VSIG10: variants seen among roughly 807,000 people sequenced by gnomAD.
VSIG10 encodes V-set and immunoglobulin domain-containing protein 10.
A neutral mutation model predicts 58.7 loss-of-function variants in VSIG10; 48 were observed. That is an observed-to-expected ratio of 0.82 (90% CI 0.65 to 1.04). VSIG10 has a LOEUF of 1.04. VSIG10 is among the 50% of genes least tolerant of loss of function. VSIG10 has a pLI of 0.00. For missense variants in VSIG10, 628 were observed against 670.0 expected (o/e 0.94, Z 0.69); for synonymous variants, 260 against 267.1 (o/e 0.97, Z 0.26).
chr12:118,073,595 G>T, intron 5 of VSIG10, 104 bp downstream of exon 5: 1 of 1,329,854 alleles, frequency 7.5e-7, no homozygotes, highest in Non-Finnish European at 1.0e-6. Context: ...TCTCCCAGTT[G>T]GCAGTGACCC....
At chr12:118,101,752 TAAAA>T (rs1455671589) in intron 1 of VSIG10, 1 of 151,890 alleles carries the variant, frequency 6.6e-6, no homozygotes, top group Non-Finnish European at 1.5e-5. Context: ...ACTCCCAACT[TAAAA>T]AACAAACACA....
chr12:118,088,390 T>C (rs2033195740), intron 2 of VSIG10, among the ~76,000 whole-genome samples: 1 of 152,120 alleles, frequency 6.6e-6, no homozygotes, highest in Non-Finnish European at 1.5e-5. Flanking sequence ...CATTAATGCA[T>C]AACACAAATC....
At position 118,066,025 on chromosome 12, in the gene VSIG10, C is replaced by T. The variant is rs1169121136; in HGVS notation, c.*614G>A. ...CCATGAAAGAAGGAAGCAACAGAGC[C>T]CAGATTCAACTTCAGGTGTTTCTAA... On this transcript the variant is annotated 3_prime_UTR_variant, in exon 9 of 9. Coordinates refer to ENST00000359236, the MANE Select transcript of VSIG10 (RefSeq NM_019086.6). The T allele has an allele frequency of 2.0e-5, 3 of 153,006 alleles. No individual in the cohort carries two copies. Among genetic ancestry groups the T allele is most frequent in the Admixed American group, 6.5e-5 (1 of 15,428 alleles). The allele number at this position is 153,006 out of a possible 1,614,324, so 9.5% of individuals were successfully genotyped here.
chr12:118,088,254 A>G (rs2137921864), intron 2 of VSIG10, among the ~76,000 whole-genome samples: 1 of 152,078 alleles, frequency 6.6e-6, no homozygotes, highest in South Asian at 2.1e-4. Context: ...AAAAAAAAAA[A>G]AAAAGGACCC....
chr12:118,067,844 A>G (rs2032308539), intron 8 of VSIG10, among the ~76,000 whole-genome samples: 1 of 151,858 alleles, frequency 6.6e-6, no homozygotes, highest in African/African-American at 2.4e-5. Flanking sequence ...TATTGTGCCT[A>G]CCCTAGACCA....
At chr12:118,079,293 G>A in intron 4 of VSIG10, 53 bp downstream of exon 4, 4 of 1,593,366 alleles carry the variant, frequency 2.5e-6, no homozygotes, top group Non-Finnish European at 3.4e-6. Context: ...CTTCTCCTAG[G>A]AGAAAGGAAG....
At chr12:118,076,397 C>T (rs373070586) in intron 4 of VSIG10, among the ~76,000 whole-genome samples, 8 of 148,114 alleles carry the variant, frequency 5.4e-5, no homozygotes, top group Non-Finnish European at 8.9e-5. Flanking sequence ...CATCACCTAT[C>T]GTTAGTGTTA....
At chr12:118,092,056 T>G (rs2033315317) in intron 2 of VSIG10, among the ~76,000 whole-genome samples, 1 of 151,744 alleles carries the variant, frequency 6.6e-6, no homozygotes, top group Admixed American at 6.6e-5. Context: ...ACATCCAGCC[T>G]ATTCTTTTTA....
chr12:118,070,710 G>C (rs748298776), intron 7 of VSIG10, among the ~76,000 whole-genome samples: 1 of 152,146 alleles, frequency 6.6e-6, no homozygotes, highest in Non-Finnish European at 1.5e-5. Context: ...CCTGCAATGT[G>C]TCCAGCCCTG....
chr12:118,093,644 CT>C (rs1484971816), intron 2 of VSIG10, among the ~76,000 whole-genome samples: 5 of 152,076 alleles, frequency 3.3e-5, no homozygotes, highest in African/African-American at 9.7e-5. Flanking sequence ...GACACGGTGG[CT>C]CATGCTTGTA....
At position 118,082,350 on chromosome 12, in the gene VSIG10, G is replaced by C; in HGVS notation, c.441C>G (p.Ser147=). ...TGCTGTTGCAGCTGAAGTCCACCTG[G>C]GAGCCCCTGGCTGCGTAGAGGGTGC... ...PNGTLYAARG[S]QVDFSCNSSS... The change falls in exon 3 of 9, where the codon TCC becomes TCG. Residue 147 remains serine, a synonymous_variant. Transcript: ENST00000359236. 1 of 1,613,992 alleles carries C rather than the reference G, an allele frequency of 6.2e-7. No individual in the cohort carries two copies. Among genetic ancestry groups the C allele is most frequent in the Middle Eastern group, 1.7e-4 (1 of 6,060 alleles).
At chr12:118,073,242 C>G (rs1566157552) in intron 5 of VSIG10, among the ~76,000 whole-genome samples, 2 of 152,172 alleles carry the variant, frequency 1.3e-5, no homozygotes, top group Non-Finnish European at 2.9e-5. Context: ...CCAGGCTGGT[C>G]TCAAACTCCT....
At chr12:118,088,658 G>A (rs1456206155) in intron 2 of VSIG10, among the ~76,000 whole-genome samples, 1 of 151,812 alleles carries the variant, frequency 6.6e-6, no homozygotes, top group Non-Finnish European at 1.5e-5. Context: ...GCCACTGTCG[G>A]GGAGCAACAC....
chr12:118,082,032 A>G, intron 3 of VSIG10, 95 bp downstream of exon 3: 1 of 1,324,280 alleles, frequency 7.6e-7, no homozygotes, highest in Non-Finnish European at 1.0e-6. Flanking sequence ...AAAAAAAAAA[A>G]AAAAAAGACA....
At chr12:118,077,326 C>T (rs1024770502) in intron 4 of VSIG10, among the ~76,000 whole-genome samples, 2 of 152,160 alleles carry the variant, frequency 1.3e-5, no homozygotes, top group Non-Finnish European at 2.9e-5. Context: ...TTATTACCAT[C>T]TCACGGAGAC....
At chr12:118,082,531 G>T in intron 2 of VSIG10, 102 bp from the exon 3 acceptor site, 1 of 1,197,292 alleles carries the variant, frequency 8.4e-7, no homozygotes, top group Non-Finnish European at 1.2e-6. Context: ...AGCCAATGAA[G>T]AGTATGGTAT....
At chr12:118,096,360 C>T (rs934706638) in intron 1 of VSIG10, among the ~76,000 whole-genome samples, 2 of 151,770 alleles carry the variant, frequency 1.3e-5, no homozygotes, top group African/African-American at 2.4e-5. Flanking sequence ...GGGCGGATCA[C>T]CTGAGGTCAG....
chr12:118,065,778 G>A lies in VSIG10; in HGVS notation c.*861C>T, dbSNP rs1312131373. On this transcript the variant is annotated 3_prime_UTR_variant, in exon 9 of 9. Coordinates refer to ENST00000359236, the MANE Select transcript of VSIG10 (RefSeq NM_019086.6). ...TTACAAAGATGTTTTTCAATAAATG[G>A]AAGGAAAGATGTGTGTGCTTGGTTT... 6.6e-6 allele frequency: 1 copy of A among 152,232 alleles called. No individual in the cohort carries two copies. The highest frequency in any genetic ancestry group is 2.4e-5 in the African/African-American group (1 of 41,460). 9.4% of individuals were successfully genotyped at this position (152,232 alleles called of 1,614,324 possible). A position where few individuals can be genotyped will look rare whatever the true frequency, so the allele number is the denominator to read the frequency against.
chr12:118,075,206 G>A (rs79755744), intron 4 of VSIG10, among the ~76,000 whole-genome samples: 1 of 145,716 alleles, frequency 6.9e-6, no homozygotes, highest in Non-Finnish European at 1.5e-5. Context: ...GTGTGTGTGT[G>A]TATATATGTG....
Sources: gnomAD v4.1 joint callset for allele counts (sites outside exome capture counted in the v4.1 genomes callset) on GRCh38, gnomAD v4.1.1 for gene constraint, MANE v1.5 for transcripts, NCBI Gene and HGNC (gene_info 2026-07-23, HGNC 2026-07-21) for gene names.